The following SMAP1 variants were observed in gnomAD, a reference collection of about 807,000 sequenced individuals.
SMAP1 encodes the protein stromal membrane-associated protein 1.
Under a neutral mutation model 58.5 loss-of-function variants are expected in SMAP1, and 24 were observed. That is an observed-to-expected ratio of 0.41 (90% CI 0.30 to 0.58). The LOEUF is 0.58. SMAP1 is among the 20% of genes least tolerant of loss of function. The pLI, the probability that SMAP1 is intolerant of heterozygous loss-of-function variation, is 0.29. For missense variants in SMAP1, 563 were observed against 566.3 expected, an observed-to-expected ratio of 0.99 and a Z score of 0.06; for synonymous variants, 216 against 196.6, an observed-to-expected ratio of 1.10 and a Z score of -0.82.
intron 10 of SMAP1, chr6:70,859,532 G>C (rs1771607216): frequency 1.6e-6 from 1 of 643,414 alleles, no homozygotes; most frequent in Non-Finnish European, 2.5e-6. Flanking sequence ...TAAGAACACA[G>C]TCTAACTCTG....
chr6:70,722,767 C>T (rs1314355291), intron 1 of SMAP1, among the ~76,000 whole-genome samples: 7 of 152,242 alleles, frequency 4.6e-5, no homozygotes, highest in Admixed American at 2.6e-4. Context: ...CCTTAAGGCA[C>T]AGATCGCTCA....
intron 1 of SMAP1, among the ~76,000 whole-genome samples, chr6:70,679,243 C>T (rs1192389383): frequency 1.3e-5 from 2 of 151,910 alleles, no homozygotes; most frequent in African/African-American, 4.8e-5. Context: ...GGTCTCAAAC[C>T]CCTGACCTCG....
chr6:70,678,307 A>G (rs1173288687), intron 1 of SMAP1, among the ~76,000 whole-genome samples: 1 of 152,184 alleles, frequency 6.6e-6, no homozygotes, highest in African/African-American at 2.4e-5. Context: ...TTGAGCAGTG[A>G]TGAGCTCAAG....
intron 5 of SMAP1, among the ~76,000 whole-genome samples, 157 bp downstream of exon 5, chr6:70,791,926 G>A (rs1768380077): frequency 6.6e-6 from 1 of 152,104 alleles, no homozygotes; most frequent in Non-Finnish European, 1.5e-5. Context: ...TATACCACAG[G>A]TATGATTAAA....
rs578134872 is a variant in SMAP1, at chr6:70,689,705, A to G, written c.118+21564A>G. Among the ~76,000 whole-genome samples, 12 of 152,336 alleles carry G rather than the reference A, an allele frequency of 7.9e-5. No individual in the cohort carries two copies. In the South Asian group the frequency reaches 2.1e-3, roughly 26 times the overall value. On this transcript the variant is annotated intron_variant, in intron 1 of 10. Coordinates refer to ENST00000370455, the MANE Select transcript of SMAP1 (RefSeq NM_001044305.3). ...TAGAGTCTTCCAATCTGAACAAAAT[A>G]TATCTCTCCAATTATTTAGATCTTA...
intron 6 of SMAP1, among the ~76,000 whole-genome samples, chr6:70,805,416 G>C (rs1316635238): frequency 1.3e-5 from 2 of 152,020 alleles, no homozygotes; most frequent in African/African-American, 4.8e-5. Context: ...CTTTTTTCGA[G>C]GTTTTTAACT....
intron 2 of SMAP1, among the ~76,000 whole-genome samples, chr6:70,747,879 A>T (rs1028554331): frequency 1.2e-4 from 19 of 152,242 alleles, no homozygotes; most frequent in African/African-American, 4.1e-4. Context: ...GAATATCTAG[A>T]AATTGTGAAA....
At chr6:70,846,356 C>T (rs1305325158) in intron 7 of SMAP1, among the ~76,000 whole-genome samples, 1 of 152,116 alleles carries the variant, frequency 6.6e-6, no homozygotes, top group African/African-American at 2.4e-5. Flanking sequence ...ATTAAGGAGG[C>T]AGCTGCACTC....
intron 2 of SMAP1, among the ~76,000 whole-genome samples, chr6:70,738,338 T>A (rs1765691455): frequency 1.3e-5 from 2 of 152,072 alleles, no homozygotes; most frequent in African/African-American, 4.8e-5. Flanking sequence ...ATGTTGGCAC[T>A]CTCACATAAG....
chr6:70,691,141 G>A (rs565145411), intron 1 of SMAP1, among the ~76,000 whole-genome samples: 1 of 152,140 alleles, frequency 6.6e-6, no homozygotes, highest in African/African-American at 2.4e-5. Context: ...AGAATCTGTA[G>A]TAATGTCTCT....
intron 1 of SMAP1, among the ~76,000 whole-genome samples, chr6:70,691,113 T>C (rs1025190521): frequency 2.0e-5 from 3 of 152,232 alleles, no homozygotes; most frequent in African/African-American, 7.2e-5. Context: ...GTTTATGATA[T>C]TCCTTTATTG....
intron 4 of SMAP1, among the ~76,000 whole-genome samples, chr6:70,786,019 A>G (rs939934840): frequency 3.3e-5 from 5 of 152,232 alleles, no homozygotes; most frequent in African/African-American, 1.2e-4. Context: ...TTTTAGACCA[A>G]TCTCCTTGAT....
chr6:70,772,595 A>C (rs1256841457), intron 3 of SMAP1, among the ~76,000 whole-genome samples: 2 of 152,204 alleles, frequency 1.3e-5, no homozygotes, highest in African/African-American at 4.8e-5. Context: ...TGGTAAGAGA[A>C]GTTATTGATG....
intron 6 of SMAP1, among the ~76,000 whole-genome samples, chr6:70,804,497 T>A (rs1769026973): frequency 6.6e-6 from 1 of 152,080 alleles, no homozygotes. Context: ...CCCATTTACG[T>A]TTAAGTTTAA....
intron 4 of SMAP1, among the ~76,000 whole-genome samples, chr6:70,787,493 A>G (rs887801754): frequency 2.6e-5 from 4 of 152,066 alleles, no homozygotes; most frequent in Non-Finnish European, 4.4e-5. Context: ...AAAAGAAACT[A>G]CCATCAGAGT....
At chr6:70,788,209 G>A (rs1315823629) in intron 4 of SMAP1, among the ~76,000 whole-genome samples, 10 of 146,642 alleles carry the variant, frequency 6.8e-5, no homozygotes, top group African/African-American at 2.5e-4. Flanking sequence ...GACAAGAAAC[G>A]AAACACCACA....
chr6:70,769,098 G>A (rs1472729867), intron 3 of SMAP1, among the ~76,000 whole-genome samples: 8 of 152,156 alleles, frequency 5.3e-5, no homozygotes, highest in Admixed American at 5.2e-4. Flanking sequence ...TAGTTTGATT[G>A]CACTGTGGTC....
intron 1 of SMAP1, chr6:70,668,381 C>T (rs1766123618): frequency 9.0e-6 from 8 of 892,888 alleles, no homozygotes; most frequent in African/African-American, 1.8e-5. Context: ...CCCCTCCTCC[C>T]AGACACGGGT....
At chr6:70,719,533 A>G (rs967744159) in intron 1 of SMAP1, among the ~76,000 whole-genome samples, 1 of 152,272 alleles carries the variant, frequency 6.6e-6, no homozygotes, top group African/African-American at 2.4e-5. Context: ...CCCTGAACTT[A>G]TAGCCAAAAT....
Sources: allele counts gnomAD v4.1 joint callset (sites outside exome capture counted in the v4.1 genomes callset), GRCh38; gene constraint gnomAD v4.1.1; transcripts MANE v1.5; gene names NCBI Gene and HGNC (gene_info 2026-07-23, HGNC 2026-07-21).